Variants in PRDM16 observed in about 807,000 individuals in gnomAD.
The protein encoded by PRDM16 is histone-lysine N-methyltransferase PRDM16.
A neutral mutation model predicts 110.6 loss-of-function variants in PRDM16; 23 were observed. That is an observed-to-expected ratio of 0.21 (90% CI 0.15 to 0.29). The LOEUF is 0.29. PRDM16 is among the 10% of genes least tolerant of loss of function. The pLI, the probability that PRDM16 is intolerant of heterozygous loss-of-function variation, is 1.00. For missense variants in PRDM16, 1,615 were observed against 1,794.3 expected (o/e 0.90, Z 1.81); for synonymous variants, 799 against 781.8 (o/e 1.02, Z -0.37).
intron 3 of PRDM16, among the ~76,000 whole-genome samples, chr1:3,258,997 T>C (rs1640107011): frequency 6.6e-6 from 1 of 152,228 alleles, no homozygotes; most frequent in African/African-American, 2.4e-5. Context: ...TTCCTCCCTT[T>C]GTATTTCTGT....
rs145755369 is a variant in PRDM16 at position 3,184,479 on chromosome 1, T to C, written c.38-1646T>C. 5.1e-3 allele frequency among the ~76,000 whole-genome samples: 769 copies of C among 152,274 alleles called. 6 individuals carry two copies. The highest frequency in any genetic ancestry group is 0.017 in the African/African-American group (725 of 41,574). On this transcript the variant is annotated intron_variant, in intron 1 of 16. Coordinates refer to ENST00000270722, the MANE Select transcript of PRDM16 (RefSeq NM_022114.4). Reference sequence around the variant, plus strand: ...CGAGGCAGCCACAGAAGGAGGGGCTTGCGTGGAAAGATCTAGATCAGGTCA... The same window carrying C: ...CGAGGCAGCCACAGAAGGAGGGGCTCGCGTGGAAAGATCTAGATCAGGTCA...
chr1:3,358,808 G>A lies in PRDM16; in HGVS notation c.439-26344G>A, dbSNP rs1472139394. Among the ~76,000 whole-genome samples the A allele has an allele frequency of 2.0e-5, 3 of 152,296 alleles. No homozygotes were observed. The highest frequency in any genetic ancestry group is 7.2e-5 in the African/African-American group (3 of 41,568). On this transcript the variant is annotated intron_variant, in intron 3 of 16. Coordinates refer to ENST00000270722, the MANE Select transcript of PRDM16 (RefSeq NM_022114.4). This position sits in a 1 kb window ranked among gnomAD's most constrained non-coding sequence, Gnocchi z 4.0. Reference sequence around the variant, plus strand: ...TCTCCACAAAGTCACAGTGTGTGATGATTCCTGCCGGGGAGGAGGGAGCTC... The same window carrying A: ...TCTCCACAAAGTCACAGTGTGTGATAATTCCTGCCGGGGAGGAGGGAGCTC...
chr1:3,204,312 C>A (rs1188485421), intron 2 of PRDM16, among the ~76,000 whole-genome samples: 2 of 152,046 alleles, frequency 1.3e-5, no homozygotes. Flanking sequence ...TAACTGTGGA[C>A]CCCGCCTGCT....
chr1:3,089,262 C>A (rs1379799983), intron 1 of PRDM16, among the ~76,000 whole-genome samples: 3 of 152,246 alleles, frequency 2.0e-5, no homozygotes, highest in Non-Finnish European at 4.4e-5. Flanking sequence ...ACTCCTTGCA[C>A]CCAGCTCCCG....
At chr1:3,387,075 A>G (rs1254203447) in intron 4 of PRDM16, among the ~76,000 whole-genome samples, 1 of 152,192 alleles carries the variant, frequency 6.6e-6, no homozygotes, top group Non-Finnish European at 1.5e-5. Flanking sequence ...AAAGGAATGG[A>G]CTGCTTTGCA....
At chr1:3,114,289 G>C in intron 1 of PRDM16, among the ~76,000 whole-genome samples, 1 of 125,486 alleles carries the variant, frequency 8.0e-6, no homozygotes, top group Non-Finnish European at 1.6e-5. Flanking sequence ...CACACGCAGT[G>C]GAAACGCACA....
intron 3 of PRDM16, among the ~76,000 whole-genome samples, chr1:3,259,120 G>A (rs1251890661): frequency 2.0e-5 from 3 of 152,214 alleles, no homozygotes; most frequent in African/African-American, 7.2e-5. Context: ...TCGGTGGGGA[G>A]CTGCAGGGAT....
chr1:3,178,023 C>A (rs1359899795), intron 1 of PRDM16, among the ~76,000 whole-genome samples: 3 of 152,298 alleles, frequency 2.0e-5, no homozygotes, highest in East Asian at 1.9e-4. Context: ...TGCCTCTGGG[C>A]AGGAGACTGA....
intron 1 of PRDM16, among the ~76,000 whole-genome samples, chr1:3,182,104 G>C (rs939848523): frequency 6.6e-6 from 1 of 152,218 alleles, no homozygotes; most frequent in Non-Finnish European, 1.5e-5. Flanking sequence ...GCCACCACAC[G>C]GTGCCTCTTT....
At chr1:3,256,659 C>G (rs1172905572) in intron 3 of PRDM16, among the ~76,000 whole-genome samples, 1 of 152,036 alleles carries the variant, frequency 6.6e-6, no homozygotes, top group Non-Finnish European at 1.5e-5. Flanking sequence ...GAGATCAAGA[C>G]CATCCTGGCT....
chr1:3,267,842 C>T (rs1640332086), intron 3 of PRDM16, among the ~76,000 whole-genome samples: 1 of 152,198 alleles, frequency 6.6e-6, no homozygotes, highest in Non-Finnish European at 1.5e-5. Flanking sequence ...CAGGAAGCCT[C>T]CCTGGTTCAC....
intron 4 of PRDM16, among the ~76,000 whole-genome samples, chr1:3,385,527 G>A (rs1643180651): frequency 6.6e-6 from 1 of 152,210 alleles, no homozygotes; most frequent in Non-Finnish European, 1.5e-5. Flanking sequence ...GAGGCTGGCA[G>A]TTCCTGAACC....
chr1:3,311,229 G>A (rs1570043557), intron 3 of PRDM16, among the ~76,000 whole-genome samples: 1 of 152,198 alleles, frequency 6.6e-6, no homozygotes, highest in Admixed American at 6.5e-5. Flanking sequence ...TGGCCGCGGC[G>A]CTGCCGCCAC....
At chr1:3,242,070 G>A (rs1470656437) in intron 2 of PRDM16, among the ~76,000 whole-genome samples, 1 of 152,230 alleles carries the variant, frequency 6.6e-6, no homozygotes, top group Admixed American at 6.5e-5. Context: ...GAACAGGAGG[G>A]AGCCTCCCGG....
At chr1:3,105,923 G>T (rs887970537) in intron 1 of PRDM16, among the ~76,000 whole-genome samples, 3 of 152,172 alleles carry the variant, frequency 2.0e-5, no homozygotes, top group East Asian at 3.9e-4. Flanking sequence ...CCTCTGCCAC[G>T]GCCATCCTTA....
intron 1 of PRDM16, among the ~76,000 whole-genome samples, chr1:3,178,289 G>A (rs1644112283): frequency 1.3e-5 from 2 of 152,178 alleles, no homozygotes; most frequent in East Asian, 1.9e-4. Flanking sequence ...CAGGTAAGGG[G>A]CGTCTCGAAC....
intron 2 of PRDM16, among the ~76,000 whole-genome samples, chr1:3,215,940 G>A (rs1639019468): frequency 6.6e-6 from 1 of 152,178 alleles, no homozygotes; most frequent in African/African-American, 2.4e-5. Flanking sequence ...TAAAAGAGAT[G>A]AGGCAAAAAT....
chr1:3,438,519 G>A lies in PRDM16; in HGVS notation c.*4708G>A, dbSNP rs1246469352. The A allele has an allele frequency of 4.9e-6, 1 of 205,160 alleles. No homozygotes were observed. 12.7% of individuals were successfully genotyped at this position (205,160 alleles called of 1,614,324 possible). On this transcript the variant is annotated 3_prime_UTR_variant, in exon 17 of 17. Coordinates refer to ENST00000270722, the MANE Select transcript of PRDM16 (RefSeq NM_022114.4). ...AAGCCTAGGAGAAGCCGATTTGGAG[G>A]TTAATGCTGTAGAATAGGACTGTAT...
rs536127474 is a variant in PRDM16, at chr1:3,418,135, T to G, written c.2861+138T>G. ...ACAGCACTGCAATCAGCTGGTTATC[T>G]GCTTGAGGTCATGCTTTGCAAATAA... On this transcript the variant is annotated intron_variant, in intron 11 of 16. Transcript: ENST00000270722. The G allele has an allele frequency of 3.3e-5, 24 of 730,412 alleles. No homozygotes were observed. The African/African-American group carries it at 3.7e-4, about 11-fold the overall frequency. The allele number at this position is 730,412 out of a possible 1,614,324, so 45.2% of individuals were successfully genotyped here.
Sources: gnomAD v4.1 joint callset for allele counts (sites outside exome capture counted in the v4.1 genomes callset) on GRCh38, gnomAD v4.1.1 for gene constraint, Gnocchi (gnomAD v3.1) non-coding constraint, MANE v1.5 for transcripts, NCBI Gene and HGNC (gene_info 2026-07-23, HGNC 2026-07-21) for gene names.